The following KIAA1549L variants were observed in gnomAD, a reference collection of about 807,000 sequenced individuals.
KIAA1549L encodes UPF0606 protein KIAA1549L.
In KIAA1549L, 88 loss-of-function variants were observed where a neutral mutation model predicts 160.7. That is an observed-to-expected ratio of 0.55 (90% CI 0.46 to 0.65). The LOEUF (loss-of-function observed/expected upper bound fraction) is 0.65, where lower values mean the gene tolerates loss of function less well. Ranked by LOEUF, KIAA1549L falls within the 30% of genes least tolerant of loss-of-function variation. KIAA1549L has a pLI of 0.00. For missense variants in KIAA1549L, 2,258 were observed against 2,437.5 expected (o/e 0.93, Z 1.55); for synonymous variants, 950 against 976.7 (o/e 0.97, Z 0.51).
intron 1 of KIAA1549L, among the ~76,000 whole-genome samples, chr11:33,477,509 A>ACGCG (rs368752419): frequency 3.1e-4 from 45 of 145,624 alleles, no homozygotes; most frequent in Admixed American, 9.0e-4. Context: ...AGGTGCACGC[A>ACGCG]CACACACACA....
At chr11:33,383,727 G>C (rs1850118709) in intron 1 of KIAA1549L, among the ~76,000 whole-genome samples, 1 of 152,174 alleles carries the variant, frequency 6.6e-6, no homozygotes, top group African/African-American at 2.4e-5. Flanking sequence ...GGGTCAGGTT[G>C]GGGGATGTGG....
chr11:33,378,897 G>A (rs1850015855), intron 1 of KIAA1549L, among the ~76,000 whole-genome samples: 1 of 152,158 alleles, frequency 6.6e-6, no homozygotes, highest in Non-Finnish European at 1.5e-5. Flanking sequence ...TGAGTCCTGG[G>A]CCTAATGCAG....
intron 1 of KIAA1549L, among the ~76,000 whole-genome samples, chr11:33,446,393 C>CGTTTTTT (rs1217382535): frequency 6.6e-6 from 1 of 151,994 alleles, no homozygotes; most frequent in East Asian, 1.9e-4. Context: ...CTGTGCTCGG[C>CGTTTTTT]GTTTTTTGTT....
At chr11:33,629,399 A>G (rs1458109113) in intron 16 of KIAA1549L, among the ~76,000 whole-genome samples, 1 of 152,044 alleles carries the variant, frequency 6.6e-6, no homozygotes, top group Non-Finnish European at 1.5e-5. Flanking sequence ...ACTTGGTTCC[A>G]TTCTCCCCAT....
intron 1 of KIAA1549L, among the ~76,000 whole-genome samples, chr11:33,426,926 G>A (rs574156993): frequency 1.3e-5 from 2 of 152,112 alleles, no homozygotes; most frequent in Non-Finnish European, 2.9e-5. Flanking sequence ...CCTATTATCT[G>A]TTTAAGCATA....
intron 1 of KIAA1549L, among the ~76,000 whole-genome samples, chr11:33,534,682 T>A (rs201331956): frequency 1.3e-5 from 2 of 152,202 alleles, no homozygotes; most frequent in East Asian, 3.8e-4. Flanking sequence ...AGCTCTGTTT[T>A]CTCTTTAAAT....
intron 11 of KIAA1549L, among the ~76,000 whole-genome samples, chr11:33,589,355 A>G (rs1849976988): frequency 6.6e-6 from 1 of 152,204 alleles, no homozygotes; most frequent in South Asian, 2.1e-4. Context: ...CGGTGTGGCG[A>G]TTCCTCAGGG....
At position 33,441,025 on chromosome 11, in the gene KIAA1549L, T is replaced by C. The variant is rs536412959; in HGVS notation, c.238+64136T>C. 8.6e-3 allele frequency among the ~76,000 whole-genome samples: 1,308 copies of C among 151,938 alleles called. 5 individuals carry two copies. The highest frequency in any genetic ancestry group is 0.014 in the Middle Eastern group (4 of 292). On this transcript the variant is annotated intron_variant, in intron 1 of 20. Transcript: ENST00000658780. ...ATGTTGGTGTGCTACACCCATTAAC[T>C]TGTCATTTAGCATTAGGTATATCTT... is the stretch of plus-strand genomic sequence containing the variant.
Position 33,430,041 on chromosome 11 carries a change from T to TCCTTCCTTCCTTCCTC in KIAA1549L, c.238+53159_238+53160insTCCTTCCTCCCTTCCT, listed in dbSNP as rs1554976199. 2.9e-3 allele frequency among the ~76,000 whole-genome samples: 411 copies of TCCTTCCTTCCTTCCTC among 140,466 alleles called. 4 individuals are homozygous for TCCTTCCTTCCTTCCTC. The highest frequency in any genetic ancestry group is 0.011 in the African/African-American group (386 of 35,866). The allele number at this position is 140,466 out of a possible 152,430, so 92.2% of individuals were successfully genotyped here. On this transcript the variant is annotated intron_variant, in intron 1 of 20. Coordinates refer to ENST00000658780, the MANE Select transcript of KIAA1549L (RefSeq NM_012194.3). ...TTCCTTCCTTCCTTCCTTCCTTCCT[T>TCCTTCCTTCCTTCCTC]CCTTCCTCCCTTCCCTCTCTCCTCC...
chr11:33,600,957 A>G (rs1590385660), intron 13 of KIAA1549L, among the ~76,000 whole-genome samples: 1 of 152,140 alleles, frequency 6.6e-6, no homozygotes, highest in Non-Finnish European at 1.5e-5. Context: ...TAGCTGGTGA[A>G]ATTCTGGCCT....
intron 1 of KIAA1549L, among the ~76,000 whole-genome samples, chr11:33,467,151 C>G (rs1192118943): frequency 6.6e-6 from 1 of 151,860 alleles, no homozygotes; most frequent in Non-Finnish European, 1.5e-5. Context: ...TTCTTATTTT[C>G]TTTTCATAAC....
At chr11:33,660,832 T>C (rs1288866950) in intron 19 of KIAA1549L, 31 bp from the exon 20 acceptor site, 1 of 1,610,808 alleles carries the variant, frequency 6.2e-7, no homozygotes, top group Non-Finnish European at 8.5e-7. Context: ...CAGCCTCTCT[T>C]AACCTCCCTC....
At chr11:33,462,167 C>T (rs1851954920) in intron 1 of KIAA1549L, among the ~76,000 whole-genome samples, 1 of 152,106 alleles carries the variant, frequency 6.6e-6, no homozygotes, top group Non-Finnish European at 1.5e-5. Context: ...AACCAGTTTC[C>T]AGTAAAAAGT....
chr11:33,453,742 T>C (rs1851767589), intron 1 of KIAA1549L, among the ~76,000 whole-genome samples: 1 of 152,216 alleles, frequency 6.6e-6, no homozygotes, highest in Admixed American at 6.5e-5. Flanking sequence ...CTAAGAAATA[T>C]CAATACCTAA....
At chr11:33,562,963 G>A (rs1161509545) in intron 8 of KIAA1549L, among the ~76,000 whole-genome samples, 1 of 151,994 alleles carries the variant, frequency 6.6e-6, no homozygotes, top group Non-Finnish European at 1.5e-5. Flanking sequence ...TTACAGGTGT[G>A]AGCCGCTGTG....
chr11:33,489,422 C>T (rs1335926701), intron 1 of KIAA1549L, among the ~76,000 whole-genome samples: 1 of 152,198 alleles, frequency 6.6e-6, no homozygotes, highest in Admixed American at 6.5e-5. Flanking sequence ...CTTCCAAAGG[C>T]TCCATCTCCT....
In KIAA1549L at chr11:33,643,591, G is replaced by A. The variant is rs138348958; in HGVS notation, c.5410-2095G>A. Among the ~76,000 whole-genome samples, 39 of 152,252 alleles carry A rather than the reference G, an allele frequency of 2.6e-4. 2 individuals carry two copies. The East Asian group carries it at 7.5e-3, about 29-fold the overall frequency. On this transcript the variant is annotated intron_variant, in intron 16 of 20. Coordinates refer to ENST00000658780, the MANE Select transcript of KIAA1549L (RefSeq NM_012194.3). ...TCAGGGAGACTCTGGATGTAGGGAG[G>A]AAGGGCCTTGTGTGGCTAGCAACCA...
At chr11:33,526,540 G>A (rs1565169553) in intron 1 of KIAA1549L, among the ~76,000 whole-genome samples, 1 of 152,182 alleles carries the variant, frequency 6.6e-6, no homozygotes, top group Non-Finnish European at 1.5e-5. Context: ...GAGTCTGGTA[G>A]CCCCGCTGGG....
chr11:33,545,392 G>C lies in KIAA1549L; in HGVS notation c.3385+14G>C. On this transcript the variant is annotated intron_variant, in intron 3 of 20. Transcript: ENST00000658780. ...TGGTGAAGACAGGTATGAGACCACT[G>C]TTCTGATCTGAAAGCAGCAAGCCTG... 6.3e-7 allele frequency: 1 copy of C among 1,591,890 alleles called. No homozygotes were observed. The highest frequency in any genetic ancestry group is 8.5e-7 in the Non-Finnish European group (1 of 1,171,930).
Sources: allele counts gnomAD v4.1 joint callset (sites outside exome capture counted in the v4.1 genomes callset), GRCh38; gene constraint gnomAD v4.1.1; transcripts MANE v1.5; gene names NCBI Gene and HGNC (gene_info 2026-07-23, HGNC 2026-07-21).